Variants in EPB41L4A observed in about 807,000 individuals in gnomAD.
EPB41L4A encodes the protein band 4.1-like protein 4A.
Under a neutral mutation model 108.6 loss-of-function variants are expected in EPB41L4A, and 100 were observed. That is an observed-to-expected ratio of 0.92 (90% CI 0.78 to 1.09). The LOEUF (loss-of-function observed/expected upper bound fraction) is 1.09, where lower values mean the gene tolerates loss of function less well. EPB41L4A is among the 50% of genes least tolerant of loss of function. The probability of loss-of-function intolerance (pLI) is 0.00; values close to 1 mark genes in which losing one functional copy is unlikely to be tolerated. For synonymous variants in EPB41L4A, 319 were observed against 289.0 expected (o/e 1.10, Z -1.05); for missense variants, 1,030 against 842.7 (o/e 1.22, Z -2.75).
rs1760205707 is a variant in EPB41L4A, at chr5:112,381,995, A to G, written c.99+36946T>C. Among the ~76,000 whole-genome samples, 2 of 152,246 alleles carry G rather than the reference A, an allele frequency of 1.3e-5. 1 individual carries two copies. Among genetic ancestry groups the G allele is most frequent in the South Asian group, 4.1e-4 (2 of 4,838 alleles). On this transcript the variant is annotated intron_variant, in intron 1 of 22. Transcript: ENST00000261486. Reference sequence around the variant, plus strand: ...AATCACAGTCAATGGCATGTAATAAAGTAGGATTTCTTCCAGGAATGGAAG... The same window carrying G: ...AATCACAGTCAATGGCATGTAATAAGGTAGGATTTCTTCCAGGAATGGAAG...
chr5:112,193,249 A>C (rs1052674634), intron 17 of EPB41L4A, among the ~76,000 whole-genome samples: 5 of 152,220 alleles, frequency 3.3e-5, no homozygotes, highest in African/African-American at 4.8e-5. Flanking sequence ...GCATTAAAGA[A>C]AGACCTTGGA....
chr5:112,309,626 G>A (rs553596391), intron 1 of EPB41L4A, among the ~76,000 whole-genome samples: 2 of 152,214 alleles, frequency 1.3e-5, no homozygotes, highest in East Asian at 1.9e-4. Flanking sequence ...AAGATGTCCT[G>A]CCCTGACCTC....
At chr5:112,208,645 C>T (rs1762584434) in intron 13 of EPB41L4A, among the ~76,000 whole-genome samples, 1 of 152,198 alleles carries the variant, frequency 6.6e-6, no homozygotes, top group Admixed American at 6.5e-5. Context: ...GTGATGGGAT[C>T]ATGCATACAC....
At position 112,307,611 on chromosome 5, in the gene EPB41L4A, G is replaced by A. The variant is rs556254741; in HGVS notation, c.100-121C>T. The A allele has an allele frequency of 7.5e-5, 41 of 548,266 alleles. 1 individual carries two copies. The highest frequency in any genetic ancestry group is 6.7e-4 in the Admixed American group (21 of 31,258). The allele number at this position is 548,266 out of a possible 1,614,324, so 34.0% of individuals were successfully genotyped here. A position where few individuals can be genotyped will look rare whatever the true frequency, so the allele number is the denominator to read the frequency against. ...ATAGCAGCAATTGTATCAGACCATG[G>A]TTCTTCTCTGTAAGTTGTGCCTCAA... On this transcript the variant is annotated intron_variant, in intron 1 of 22. Coordinates refer to ENST00000261486, the MANE Select transcript of EPB41L4A (RefSeq NM_022140.5).
intron 4 of EPB41L4A, 70 bp from the exon 5 acceptor site, chr5:112,266,400 T>C (rs1485913272): frequency 2.0e-6 from 2 of 1,024,000 alleles, no homozygotes; most frequent in Non-Finnish European, 2.8e-6. Context: ...CGGACCCTGA[T>C]AATCAAGGTT....
chr5:112,348,173 C>T (rs2150722755), intron 1 of EPB41L4A, among the ~76,000 whole-genome samples: 1 of 152,258 alleles, frequency 6.6e-6, no homozygotes, highest in African/African-American at 2.4e-5. Flanking sequence ...ACTCTATAGT[C>T]TCTGCCAGTT....
chr5:112,146,582 T>A (rs1759266140), intron 12 of EPB41L4A, among the ~76,000 whole-genome samples: 1 of 152,192 alleles, frequency 6.6e-6, no homozygotes, highest in Admixed American at 6.5e-5. Flanking sequence ...ATATATTTAG[T>A]CATAAAAATA....
intron 1 of EPB41L4A, among the ~76,000 whole-genome samples, chr5:112,313,793 T>C (rs931507013): frequency 5.3e-5 from 8 of 151,942 alleles, no homozygotes; most frequent in Non-Finnish European, 8.8e-5. Context: ...GAGCTGTTAA[T>C]TTGTATACTA....
intron 1 of EPB41L4A, among the ~76,000 whole-genome samples, chr5:112,329,873 A>C (rs1411225113): frequency 6.6e-6 from 1 of 152,092 alleles, no homozygotes; most frequent in Non-Finnish European, 1.5e-5. Context: ...TGCCACATCA[A>C]AAAGAGAGGC....
At chr5:112,257,117 A>C (rs758117184) in intron 9 of EPB41L4A, 29 of 152,176 alleles carry the variant, frequency 1.9e-4, no homozygotes, top group Non-Finnish European at 1.8e-4. Flanking sequence ...GGGGCTTTTA[A>C]ATTCAATTTG....
At chr5:112,149,333 G>A (rs541858782) in intron 12 of EPB41L4A, among the ~76,000 whole-genome samples, 5 of 152,224 alleles carry the variant, frequency 3.3e-5, no homozygotes, top group East Asian at 1.9e-4. Flanking sequence ...TTAGCCAGGC[G>A]TGGTGGCACG....
At chr5:112,385,670 A>G (rs1580803663) in intron 1 of EPB41L4A, among the ~76,000 whole-genome samples, 1 of 152,340 alleles carries the variant, frequency 6.6e-6, no homozygotes, top group South Asian at 2.1e-4. Flanking sequence ...CAAATCTGGA[A>G]CATGTTAAGA....
At chr5:112,405,032 T>C (rs1761998370) in intron 1 of EPB41L4A, among the ~76,000 whole-genome samples, 1 of 152,178 alleles carries the variant, frequency 6.6e-6, no homozygotes, top group African/African-American at 2.4e-5. Flanking sequence ...GAGCCCTTGT[T>C]TTCATACCCT....
chr5:112,187,803 G>C (rs1761500470), intron 17 of EPB41L4A, among the ~76,000 whole-genome samples: 1 of 152,098 alleles, frequency 6.6e-6, no homozygotes. Flanking sequence ...CATGCTTAAT[G>C]CTGAATCTAA....
intron 2 of EPB41L4A, among the ~76,000 whole-genome samples, chr5:112,281,233 T>C (rs891622106): frequency 6.6e-6 from 1 of 152,260 alleles, no homozygotes; most frequent in Admixed American, 6.5e-5. Flanking sequence ...CAGTCTAAGA[T>C]ACCTACTTAT....
intron 2 of EPB41L4A, among the ~76,000 whole-genome samples, chr5:112,293,912 A>C (rs1753819156): frequency 1.3e-5 from 2 of 152,370 alleles, no homozygotes; most frequent in South Asian, 2.1e-4. Flanking sequence ...TGTTTAACCA[A>C]GAAGAAATAG....
At chr5:112,266,665 C>T (rs1751885146) in intron 4 of EPB41L4A, among the ~76,000 whole-genome samples, 1 of 152,192 alleles carries the variant, frequency 6.6e-6, no homozygotes, top group South Asian at 2.1e-4. Context: ...TTGACAGCAT[C>T]CACCTCACAG....
intron 1 of EPB41L4A, among the ~76,000 whole-genome samples, chr5:112,414,648 G>A (rs559323681): frequency 1.3e-5 from 2 of 152,296 alleles, no homozygotes; most frequent in Admixed American, 1.3e-4. Flanking sequence ...AGCACCTAGG[G>A]AGGGACAGCC....
intron 1 of EPB41L4A, among the ~76,000 whole-genome samples, chr5:112,360,522 G>C (rs1758654630): frequency 6.6e-6 from 1 of 152,208 alleles, no homozygotes; most frequent in African/African-American, 2.4e-5. Flanking sequence ...TGATCTGCCA[G>C]CCTCGGCCTC....
Sources: gnomAD v4.1 joint callset for allele counts (sites outside exome capture counted in the v4.1 genomes callset) on GRCh38, gnomAD v4.1.1 for gene constraint, MANE v1.5 for transcripts, NCBI Gene and HGNC (gene_info 2026-07-23, HGNC 2026-07-21) for gene names.